Variants in TOGARAM2 observed in about 807,000 individuals in gnomAD.
TOGARAM2 encodes the protein TOG array regulator of axonemal microtubules protein 2.
Under a neutral mutation model 93.3 loss-of-function variants are expected in TOGARAM2, and 85 were observed. That is an observed-to-expected ratio of 0.91 (90% CI 0.76 to 1.09). The LOEUF is 1.09. TOGARAM2 is among the 50% of genes least tolerant of loss of function. The pLI, the probability that TOGARAM2 is intolerant of heterozygous loss-of-function variation, is 0.00. For synonymous variants in TOGARAM2, 593 were observed against 552.8 expected, an observed-to-expected ratio of 1.07 and a Z score of -1.02; for missense variants, 1,277 against 1,334.5, an observed-to-expected ratio of 0.96 and a Z score of 0.67.
chr2:29,051,507 T>A lies in TOGARAM2; in HGVS notation c.2723-249T>A, dbSNP rs534149171. Reference sequence around the variant, plus strand: ...TGCCCCTTTCTCCATAAAAAATATTTAAAAATTATAGTTTCTGACTGGTTG... The same window carrying A: ...TGCCCCTTTCTCCATAAAAAATATTAAAAAATTATAGTTTCTGACTGGTTG... On this transcript the variant is annotated intron_variant, in intron 19 of 19. Coordinates refer to ENST00000379558, the MANE Select transcript of TOGARAM2 (RefSeq NM_199280.4). 63 of 354,032 alleles carry A rather than the reference T, an allele frequency of 1.8e-4. 2 individuals carry two copies. Among genetic ancestry groups the A allele is most frequent in the East Asian group, 1.3e-3 (30 of 22,306 alleles). 21.9% of individuals were successfully genotyped at this position (354,032 alleles called of 1,614,324 possible).
Position 29,022,176 on chromosome 2 carries a change from T to C in TOGARAM2, c.1379T>C (p.Val460Ala). 1.2e-6 allele frequency: 2 copies of C among 1,614,030 alleles called. No individual in the cohort carries two copies. Among genetic ancestry groups the C allele is most frequent in the Admixed American group, 3.3e-5 (2 of 60,028 alleles). Residue 460 changes from valine (V) to alanine (A), a missense_variant, in exon 11 of 20, where the codon GTG becomes GCG. By Grantham distance (64) the Val-to-Ala change is moderately conservative. Coordinates refer to ENST00000379558, the MANE Select transcript of TOGARAM2 (RefSeq NM_199280.4). ...RHASANSLPAVLTLGSPEWEE... is the reference protein window; with the variant it reads ...RHASANSLPAALTLGSPEWEE... ...AATGCAGCTAACTCATTACCTGCGG[T>C]GCTCACGTTGGGGTCTCCTGAATGG...
chr2:28,963,507 T>TAGG (rs1438140858), intron 1 of TOGARAM2, among the ~76,000 whole-genome samples: 1 of 152,114 alleles, frequency 6.6e-6, no homozygotes, highest in Non-Finnish European at 1.5e-5. Flanking sequence ...CCCAAGTAGC[T>TAGG]AGGACTACAG....
intron 6 of TOGARAM2, among the ~76,000 whole-genome samples, chr2:29,009,336 C>T (rs1572696246): frequency 6.6e-6 from 1 of 152,228 alleles, no homozygotes; most frequent in African/African-American, 2.4e-5. Flanking sequence ...CTTCATCCTC[C>T]TGTAAGGAGG....
rs1290735148 is a variant in TOGARAM2 at position 29,005,392 on chromosome 2, G to A, written c.830+1710G>A. ...AGAACGTGCATGTATGTGGGTGCAT[G>A]TATGTGGAGTGTGTGTGTGCGTGTG... On this transcript the variant is annotated intron_variant, in intron 6 of 19. Coordinates refer to ENST00000379558, the MANE Select transcript of TOGARAM2 (RefSeq NM_199280.4). Among the ~76,000 whole-genome samples the A allele has an allele frequency of 2.6e-5, 3 of 116,950 alleles. No individual in the cohort carries two copies. In the East Asian group the frequency reaches 7.9e-4, roughly 31 times the overall value. 76.7% of individuals were successfully genotyped at this position (116,950 alleles called of 152,430 possible).
At chr2:29,028,945 A>T (rs1039802566) in intron 14 of TOGARAM2, among the ~76,000 whole-genome samples, 1 of 152,244 alleles carries the variant, frequency 6.6e-6, no homozygotes, top group African/African-American at 2.4e-5. Flanking sequence ...CATAATCAAA[A>T]AACCAAAAAA....
intron 4 of TOGARAM2, 133 bp downstream of exon 4, chr2:28,999,601 A>AC: frequency 9.8e-7 from 1 of 1,023,122 alleles, no homozygotes; most frequent in Non-Finnish European, 1.4e-6. Context: ...GTGGGTACAT[A>AC]CCAGGTACCT....
intron 13 of TOGARAM2, among the ~76,000 whole-genome samples, chr2:29,026,491 A>G (rs1012743326): frequency 2.6e-5 from 4 of 152,094 alleles, no homozygotes; most frequent in Non-Finnish European, 5.9e-5. Context: ...GGAAAGAAGG[A>G]AGAAGAGACA....
At chr2:29,034,523 A>G (rs943806364) in intron 16 of TOGARAM2, among the ~76,000 whole-genome samples, 2 of 152,230 alleles carry the variant, frequency 1.3e-5, no homozygotes, top group Admixed American at 1.3e-4. Flanking sequence ...CTCTCAGTAG[A>G]CAATGAGTGT....
chr2:29,027,153 C>A, intron 14 of TOGARAM2, 142 bp downstream of exon 14: 1 of 907,050 alleles, frequency 1.1e-6, no homozygotes, highest in South Asian at 1.9e-5. Flanking sequence ...TTCCTTTCAG[C>A]TCTTGTCCCA....
intron 1 of TOGARAM2, among the ~76,000 whole-genome samples, chr2:28,976,033 A>G (rs928567915): frequency 6.6e-6 from 1 of 152,198 alleles, no homozygotes; most frequent in African/African-American, 2.4e-5. Context: ...GTTTAGGAGC[A>G]TTTTACACAT....
upstream of TOGARAM2, among the ~76,000 whole-genome samples, chr2:28,978,207 G>A (rs1376769393): frequency 2.6e-5 from 4 of 152,098 alleles, no homozygotes; most frequent in East Asian, 1.9e-4. Context: ...GTGCCCGGCC[G>A]GAGATGGGTA....
chr2:29,016,722 C>CA (rs1664594221), intron 8 of TOGARAM2, among the ~76,000 whole-genome samples: 1 of 152,142 alleles, frequency 6.6e-6, no homozygotes, highest in South Asian at 2.1e-4. Context: ...TTCTCTGACT[C>CA]AGAGAGTTCA....
chr2:28,999,172 C>A lies in TOGARAM2; in HGVS notation c.140-9C>A. 1 of 1,605,502 alleles carries A rather than the reference C, an allele frequency of 6.2e-7. No individual in the cohort carries two copies. The highest frequency in any genetic ancestry group is 1.3e-5 in the African/African-American group (1 of 74,880). The stretch of plus-strand genomic sequence containing the variant: ...CGTGCCAAGCCATTCACACCTCTGT[C>A]CCCCTCAGGTTCTCTCCAGCCTGAG... On this transcript the variant is annotated splice_polypyrimidine_tract_variant and intron_variant, in intron 3 of 19. Coordinates refer to ENST00000379558, the MANE Select transcript of TOGARAM2 (RefSeq NM_199280.4).
chr2:29,010,052 TGTGTTGGG>T (rs1664136156), intron 6 of TOGARAM2, among the ~76,000 whole-genome samples: 2 of 112,916 alleles, frequency 1.8e-5, no homozygotes, highest in Admixed American at 8.9e-5. Context: ...TGTGTGTGTG[TGTGTTGGG>T]GGGGCGCAGA....
At chr2:28,991,666 G>A (rs1440108486) in intron 1 of TOGARAM2, among the ~76,000 whole-genome samples, 3 of 152,224 alleles carry the variant, frequency 2.0e-5, no homozygotes, top group East Asian at 3.9e-4. Context: ...CAGAGTGGGC[G>A]TGGAGCTGCA....
chr2:29,007,456 T>C (rs1359449689), intron 6 of TOGARAM2, among the ~76,000 whole-genome samples: 1 of 152,134 alleles, frequency 6.6e-6, no homozygotes, highest in Non-Finnish European at 1.5e-5. Flanking sequence ...CACATTTCCA[T>C]AGCCCCCAAG....
chr2:28,966,593 G>C (rs993308527), intron 1 of TOGARAM2, among the ~76,000 whole-genome samples: 1 of 152,112 alleles, frequency 6.6e-6, no homozygotes, highest in African/African-American at 2.4e-5. Context: ...ACCGTGCCTG[G>C]CCAAATTATT....
chr2:28,962,966 G>A (rs904713315), intron 1 of TOGARAM2, among the ~76,000 whole-genome samples: 3 of 151,798 alleles, frequency 2.0e-5, no homozygotes, highest in Non-Finnish European at 4.4e-5. Flanking sequence ...GAGACTACAG[G>A]TGTAAGCCAC....
chr2:29,041,819 T>C (rs1666456964), intron 18 of TOGARAM2, among the ~76,000 whole-genome samples: 2 of 151,574 alleles, frequency 1.3e-5, no homozygotes, highest in South Asian at 2.1e-4. Flanking sequence ...TTTTAAAAAT[T>C]AGATTCTAGC....
Sources: gnomAD v4.1 joint callset for allele counts (sites outside exome capture counted in the v4.1 genomes callset) on GRCh38, gnomAD v4.1.1 for gene constraint, MANE v1.5 for transcripts, NCBI Gene and HGNC (gene_info 2026-07-23, HGNC 2026-07-21) for gene names.